CPS1: variants seen among roughly 807,000 people sequenced by gnomAD.
CPS1 encodes the protein carbamoyl-phosphate synthase 1, also known as carbamoyl-phosphate synthase [ammonia], mitochondrial.
In CPS1, 109 loss-of-function variants were observed where a neutral mutation model predicts 174.6. The ratio of observed to expected loss-of-function variants is 0.62; its 90% CI spans 0.53 to 0.73. CPS1 has a LOEUF of 0.73. Ranked by LOEUF, CPS1 falls within the 30% of genes least tolerant of loss-of-function variation. The pLI is 0.00. For synonymous variants in CPS1, 637 were observed against 632.0 expected (o/e 1.01, Z -0.12); for missense variants, 1,689 against 1,821.9 (o/e 0.93, Z 1.33).
intron 1 of CPS1, among the ~76,000 whole-genome samples, chr2:210,521,151 G>C (rs756612558): frequency 2.6e-5 from 4 of 151,970 alleles, no homozygotes; most frequent in African/African-American, 4.8e-5. Flanking sequence ...TTATAAGCAG[G>C]TAGTATCATC....
intron 25 of CPS1, among the ~76,000 whole-genome samples, chr2:210,645,236 T>C (rs943418754): frequency 6.6e-6 from 1 of 152,212 alleles, no homozygotes; most frequent in Non-Finnish European, 1.5e-5. Flanking sequence ...AAAAGATTCC[T>C]GAGGCCGTGA....
rs774138613 is a variant in CPS1 at position 210,513,169 on chromosome 2, G to GAT, written c.3+35416_3+35417dup. 2.5e-3 allele frequency among the ~76,000 whole-genome samples: 351 copies of GAT among 140,740 alleles called. 34 individuals carry two copies. The highest frequency in any genetic ancestry group is 7.7e-3 in the African/African-American group (297 of 38,398). 92.3% of individuals were successfully genotyped at this position (140,740 alleles called of 152,430 possible). Reference sequence around the variant, plus strand: ...ATGGGGAGATATATATATATGTATGGATATATATATATATCTCTCTCTCTC... The same window carrying GAT: ...ATGGGGAGATATATATATATGTATGGATATATATATATATATCTCTCTCTCTC... On this transcript the variant is annotated intron_variant, in intron 1 of 38. Transcript: ENST00000430249.
upstream of CPS1, among the ~76,000 whole-genome samples, chr2:210,554,224 C>T (rs868325599): frequency 8.7e-3 from 1,000 of 115,344 alleles, 61 homozygotes; most frequent in African/African-American, 0.031. Flanking sequence ...TATACACACA[C>T]ATATATATAT....
intron 1 of CPS1, among the ~76,000 whole-genome samples, chr2:210,520,732 C>A (rs1695800119): frequency 6.6e-6 from 1 of 152,014 alleles, no homozygotes; most frequent in Non-Finnish European, 1.5e-5. Flanking sequence ...TTTCACCAAA[C>A]ATTATTATTT....
intron 1 of CPS1, among the ~76,000 whole-genome samples, chr2:210,509,388 A>G (rs1180512080): frequency 2.0e-5 from 3 of 152,124 alleles, no homozygotes; most frequent in East Asian, 3.8e-4. Flanking sequence ...TCTCAAAATA[A>G]TAAGAGCTAT....
intron 1 of CPS1, among the ~76,000 whole-genome samples, chr2:210,478,392 C>T (rs1694463328): frequency 6.6e-6 from 1 of 152,216 alleles, no homozygotes; most frequent in African/African-American, 2.4e-5. Flanking sequence ...AACTTTCCTT[C>T]ATATACCTGT....
chr2:210,510,702 C>T (rs1223766591), intron 1 of CPS1, among the ~76,000 whole-genome samples: 1 of 152,146 alleles, frequency 6.6e-6, no homozygotes, highest in East Asian at 1.9e-4. Flanking sequence ...AAAACAACCC[C>T]ATCAACAAGT....
At chr2:210,604,140 C>T (rs1053321144) in intron 16 of CPS1, among the ~76,000 whole-genome samples, 1 of 151,808 alleles carries the variant, frequency 6.6e-6, no homozygotes, top group East Asian at 1.9e-4. Context: ...TTGAGAACCT[C>T]ATCGTGGGCA....
intron 35 of CPS1, 53 bp from the exon 36 acceptor site, chr2:210,675,674 TA>T: frequency 1.1e-6 from 1 of 879,874 alleles, no homozygotes; most frequent in Non-Finnish European, 2.0e-6. Context: ...ACATGTTCCA[TA>T]AAAATAAGAA....
intron 1 of CPS1, among the ~76,000 whole-genome samples, chr2:210,567,513 GA>G (rs1197051023): frequency 1.3e-5 from 2 of 152,080 alleles, no homozygotes. Flanking sequence ...CATTTTAGAT[GA>G]AAAGTAAAGG....
chr2:210,664,215 G>A (rs1434255117), intron 33 of CPS1, among the ~76,000 whole-genome samples: 1 of 152,172 alleles, frequency 6.6e-6, no homozygotes, highest in African/African-American at 2.4e-5. Flanking sequence ...GTCGGTTTAA[G>A]GAGACAGTCT....
chr2:210,652,845 G>T (rs1218219319), intron 28 of CPS1, among the ~76,000 whole-genome samples: 1 of 152,128 alleles, frequency 6.6e-6, no homozygotes. Context: ...CACTGAGGGA[G>T]AGAGTATAGA....
At chr2:210,548,314 T>C (rs1696617747) in intron 1 of CPS1, among the ~76,000 whole-genome samples, 1 of 152,092 alleles carries the variant, frequency 6.6e-6, no homozygotes, top group Admixed American at 6.6e-5. Flanking sequence ...TTTTGAAATC[T>C]TGACAGAGTT....
At chr2:210,538,758 A>T (rs183222979) in intron 1 of CPS1, among the ~76,000 whole-genome samples, 1 of 152,158 alleles carries the variant, frequency 6.6e-6, no homozygotes, top group Non-Finnish European at 1.5e-5. Context: ...ATATATTATC[A>T]TACTTTTAGA....
chr2:210,600,510 A>G (rs2105840196), intron 14 of CPS1, 45 bp from the exon 15 acceptor site: 2 of 1,602,404 alleles, frequency 1.2e-6, no homozygotes, highest in East Asian at 4.5e-5. Flanking sequence ...AAAAAGGCAC[A>G]AAATTCAAGA....
intron 21 of CPS1, among the ~76,000 whole-genome samples, chr2:210,624,771 C>T (rs896461634): frequency 2.2e-4 from 34 of 151,964 alleles, no homozygotes; most frequent in African/African-American, 5.8e-4. Context: ...AGAGTACTTC[C>T]GAGTCTGGCA....
intron 21 of CPS1, among the ~76,000 whole-genome samples, chr2:210,627,368 A>G (rs73076013): frequency 0.047 from 7,180 of 152,262 alleles, 556 homozygotes; most frequent in African/African-American, 0.16. Flanking sequence ...TCTTTTCTTT[A>G]AAGTACAAAT....
chr2:210,590,750 C>T (rs763059352), intron 8 of CPS1, 50 bp from the exon 9 acceptor site: 2 of 1,450,764 alleles, frequency 1.4e-6, no homozygotes, highest in African/African-American at 2.8e-5. Flanking sequence ...TCAGAAGCAA[C>T]ATTTTTTGGA....
chr2:210,639,922 T>C, intron 23 of CPS1, 74 bp from the exon 24 acceptor site: 2 of 1,031,250 alleles, frequency 1.9e-6, no homozygotes, highest in Non-Finnish European at 3.1e-6. Flanking sequence ...TACTTAATGA[T>C]AGGACAACTA....
Sources: allele counts gnomAD v4.1 joint callset (sites outside exome capture counted in the v4.1 genomes callset), GRCh38; gene constraint gnomAD v4.1.1; transcripts MANE v1.5; gene names NCBI Gene and HGNC (gene_info 2026-07-23, HGNC 2026-07-21).